LYPLAL1: variants seen among roughly 807,000 people sequenced by gnomAD.
The protein encoded by LYPLAL1 is lysophospholipase-like protein 1.
In LYPLAL1, 23 loss-of-function variants were observed where a neutral mutation model predicts 19.7. That is an observed-to-expected ratio of 1.17 (90% CI 0.84 to 1.65). The LOEUF is 1.65. Among genes scored for constraint, LYPLAL1 ranks in the 40% most tolerant of loss-of-function variants. LYPLAL1 has a pLI of 0.00. For synonymous variants in LYPLAL1, 119 were observed against 96.3 expected (o/e 1.24, Z -1.38); for missense variants, 355 against 279.4 (o/e 1.27, Z -1.93).
chr1:219,364,166 A>T, the LYPLAL1 span, among the ~76,000 whole-genome samples: 2 of 152,174 alleles, frequency 1.3e-5, no homozygotes, highest in East Asian at 3.8e-4. Flanking sequence ...TGCATGAAAT[A>T]TTGAAAGGAC....
At chr1:219,443,143 A>G in the LYPLAL1 span, among the ~76,000 whole-genome samples, 1 of 151,812 alleles carries the variant, frequency 6.6e-6, no homozygotes, top group Non-Finnish European at 1.5e-5. Context: ...TACTTTCTTC[A>G]TGAAGCAAGG....
the LYPLAL1 span, among the ~76,000 whole-genome samples, chr1:219,357,538 G>A: frequency 0.14 from 21,514 of 152,168 alleles, 1,920 homozygotes; most frequent in African/African-American, 0.25. Context: ...TGTCAAAGAT[G>A]TGTAGCAAAA....
At chr1:219,406,861 A>G in the LYPLAL1 span, among the ~76,000 whole-genome samples, 76 of 152,322 alleles carry the variant, frequency 5.0e-4, no homozygotes, top group African/African-American at 1.8e-3. Context: ...TTCACCTTAC[A>G]AGGTAAATTA....
At chr1:219,394,860 C>T in the LYPLAL1 span, among the ~76,000 whole-genome samples, 1 of 152,188 alleles carries the variant, frequency 6.6e-6, no homozygotes, top group Admixed American at 6.5e-5. Flanking sequence ...TTAGCTTCCA[C>T]TTATAAGTGA....
chr1:219,185,696 AC>A (rs1339183833), intron 2 of LYPLAL1, among the ~76,000 whole-genome samples: 2 of 151,912 alleles, frequency 1.3e-5, no homozygotes, highest in Admixed American at 1.3e-4. Context: ...ATTGCCAGGA[AC>A]TGGAATCATC....
chr1:219,205,369 A>AAC (rs1553302364), intron 3 of LYPLAL1, among the ~76,000 whole-genome samples: 1 of 151,076 alleles, frequency 6.6e-6, no homozygotes, highest in Non-Finnish European at 1.5e-5. Flanking sequence ...GTCTCAAAAA[A>AAC]AAAAAAAAAC....
chr1:219,268,887 G>T, the LYPLAL1 span, among the ~76,000 whole-genome samples: 2 of 152,264 alleles, frequency 1.3e-5, no homozygotes, highest in East Asian at 3.9e-4. Flanking sequence ...TTATAACTTG[G>T]CCCCCAAGGT....
At chr1:219,188,683 T>TC (rs1656915929) in intron 2 of LYPLAL1, among the ~76,000 whole-genome samples, 1 of 149,038 alleles carries the variant, frequency 6.7e-6, no homozygotes, top group African/African-American at 2.5e-5. Context: ...AATGTCAACT[T>TC]TTTTTTTTTT....
the LYPLAL1 span, among the ~76,000 whole-genome samples, chr1:219,267,218 A>C: frequency 6.6e-6 from 1 of 152,132 alleles, no homozygotes. Flanking sequence ...CAGAGAACAC[A>C]TGGTCATTTC....
At chr1:219,318,537 G>T in the LYPLAL1 span, among the ~76,000 whole-genome samples, 1 of 152,106 alleles carries the variant, frequency 6.6e-6, no homozygotes, top group Non-Finnish European at 1.5e-5. Context: ...TACTACCTAG[G>T]ATGTACTTAA....
the LYPLAL1 span, among the ~76,000 whole-genome samples, chr1:219,332,834 CA>C: frequency 2.5e-5 from 3 of 120,426 alleles, no homozygotes; most frequent in South Asian, 3.2e-4. Flanking sequence ...CCCCCCCCCC[CA>C]AATTAAACCA....
chr1:219,347,208 C>A, the LYPLAL1 span, among the ~76,000 whole-genome samples: 1 of 152,148 alleles, frequency 6.6e-6, no homozygotes, highest in African/African-American at 2.4e-5. Context: ...ATCCTTATTT[C>A]TGGACAAGCT....
At chr1:219,217,379 G>GGTTGTGTGTGTGT (rs1553304606), downstream of LYPLAL1, among the ~76,000 whole-genome samples, 3 of 134,138 alleles carry the variant, frequency 2.2e-5, no homozygotes, top group East Asian at 6.8e-4. Context: ...TGCCAGGTTT[G>GGTTGTGTGTGTGT]GTGTGTGTGT....
chr1:219,375,576 G>A, the LYPLAL1 span, among the ~76,000 whole-genome samples: 605 of 150,840 alleles, frequency 4.0e-3, 1 homozygote, highest in Non-Finnish European at 6.6e-3. Context: ...ATAGGTTTTG[G>A]TTTATGTAGC....
the LYPLAL1 span, among the ~76,000 whole-genome samples, chr1:219,352,551 C>T: frequency 6.6e-6 from 1 of 151,942 alleles, no homozygotes; most frequent in Non-Finnish European, 1.5e-5. Flanking sequence ...AAAATATCCA[C>T]AGGATTATAT....
At chr1:219,440,343 G>A in the LYPLAL1 span, among the ~76,000 whole-genome samples, 1 of 151,866 alleles carries the variant, frequency 6.6e-6, no homozygotes, top group Non-Finnish European at 1.5e-5. Flanking sequence ...TAAAAACAAA[G>A]GTCAACCCAG....
chr1:219,177,202 G>A lies in LYPLAL1; in HGVS notation c.92-1945G>A, dbSNP rs181965961. Among the ~76,000 whole-genome samples the A allele has an allele frequency of 9.5e-4, 145 of 152,282 alleles. 1 individual carries two copies. The highest frequency in any genetic ancestry group is 3.0e-3 in the African/African-American group (125 of 41,564). On this transcript the variant is annotated intron_variant, in intron 1 of 4. Transcript: ENST00000366928. ...CAAGGAACAGCAGTAAGGCTAGTGT[G>A]TCTGGAGTGAGAAGAATAGGAAGGG...
chr1:219,174,447 T>A, intron 1 of LYPLAL1: 1 of 315,952 alleles, frequency 3.2e-6, no homozygotes, highest in Non-Finnish European at 4.7e-6. Context: ...TAGATACTGT[T>A]TACAGATTAT....
chr1:219,366,163 C>T, the LYPLAL1 span, among the ~76,000 whole-genome samples: 2 of 152,068 alleles, frequency 1.3e-5, no homozygotes, highest in Admixed American at 1.3e-4. Flanking sequence ...TGACAATGAT[C>T]ACTACTGCAA....
Sources: allele counts gnomAD v4.1 joint callset (sites outside exome capture counted in the v4.1 genomes callset), GRCh38; gene constraint gnomAD v4.1.1; transcripts MANE v1.5; gene names NCBI Gene and HGNC (gene_info 2026-07-23, HGNC 2026-07-21).